LRRC8D: variants seen among roughly 807,000 people sequenced by gnomAD.
LRRC8D encodes the protein leucine rich repeat containing 8 VRAC subunit D, also known as volume-regulated anion channel subunit LRRC8D.
Under a neutral mutation model 55.8 loss-of-function variants are expected in LRRC8D, and 20 were observed. The ratio of observed to expected loss-of-function variants is 0.36; its 90% CI spans 0.25 to 0.52. The LOEUF (loss-of-function observed/expected upper bound fraction) is 0.52. Among genes scored for constraint, LRRC8D ranks in the 20% least tolerant of loss-of-function variants. The pLI, the probability that LRRC8D is intolerant of heterozygous loss-of-function variation, is 0.93. For synonymous variants in LRRC8D, 352 were observed against 377.0 expected (o/e 0.93, Z 0.77); for missense variants, 651 against 1,030.8 (o/e 0.63, Z 5.05).
intron 2 of LRRC8D, among the ~76,000 whole-genome samples, chr1:89,895,228 A>G (rs888432094): frequency 6.6e-6 from 1 of 152,356 alleles, no homozygotes; most frequent in African/African-American, 2.4e-5. Flanking sequence ...TAAGCCTACT[A>G]TATTCATATA....
rs146627333 is a variant in LRRC8D at position 89,935,385 on chromosome 1, A to C, written c.2317A>C (p.Lys773Gln). The change falls in exon 3 of 3, where the codon AAA becomes CAA. Residue 773 changes from lysine (K) to glutamine (Q), a missense_variant. Physicochemically the swap from Lys to Gln is moderately conservative, Grantham distance 53 (BLOSUM62 1). This residue lies in a region of LRRC8D where 338 missense variants were observed against 479.4 expected (regional missense o/e 0.71). Coordinates refer to ENST00000337338, the MANE Select transcript of LRRC8D (RefSeq NM_001134479.2). ...GGACATTCTGCCAAAACAATTGTTTAAATGCATAAAGTTGAGGACTTTGAA... is the reference window on the plus strand; with the variant it reads ...GGACATTCTGCCAAAACAATTGTTTCAATGCATAAAGTTGAGGACTTTGAA... ...KVDILPKQLF[K>Q]CIKLRTLNLG... The C allele has an allele frequency of 5.0e-5, 81 of 1,614,266 alleles. 2 individuals are homozygous for C. In the African/African-American group the frequency reaches 9.3e-4, roughly 19 times the overall value.
Position 89,906,368 on chromosome 1 carries a change from A to G in LRRC8D, c.-2-26699A>G, listed in dbSNP as rs373297573. On this transcript the variant is annotated intron_variant, in intron 2 of 2. Transcript: ENST00000337338. The stretch of plus-strand genomic sequence containing the variant: ...GCTCGAGCATCGCTGTAGAGCCGCT[A>G]TCATCACTGAAGGGAATTCATCATT... Among the ~76,000 whole-genome samples the G allele has an allele frequency of 9.2e-5, 14 of 152,346 alleles. No individual in the cohort carries two copies. The East Asian group carries it at 1.9e-3, about 21-fold the overall frequency.
intron 2 of LRRC8D, among the ~76,000 whole-genome samples, chr1:89,879,067 C>G (rs887585195): frequency 1.3e-5 from 2 of 151,998 alleles, no homozygotes; most frequent in East Asian, 3.9e-4. Context: ...TTTTTCTGTG[C>G]ACATCCGTGC....
intron 1 of LRRC8D, among the ~76,000 whole-genome samples, chr1:89,832,033 G>A (rs530242849): frequency 3.9e-5 from 6 of 152,246 alleles, no homozygotes; most frequent in African/African-American, 1.2e-4. Context: ...CTGCGTCTGC[G>A]CTGTCAGGGC....
chr1:89,880,418 A>G (rs1662252980), intron 2 of LRRC8D, among the ~76,000 whole-genome samples: 1 of 151,742 alleles, frequency 6.6e-6, no homozygotes, highest in Admixed American at 6.6e-5. Flanking sequence ...ATTAGGTTGG[A>G]CATTTGTCAT....
chr1:89,847,063 AAC>A, intron 2 of LRRC8D, among the ~76,000 whole-genome samples: 1 of 152,208 alleles, frequency 6.6e-6, no homozygotes, highest in Non-Finnish European at 1.5e-5. Flanking sequence ...AAACCCATGT[AAC>A]TTTAAATTAT....
chr1:89,858,242 T>G (rs1055364468), intron 2 of LRRC8D, among the ~76,000 whole-genome samples: 3 of 152,150 alleles, frequency 2.0e-5, no homozygotes, highest in African/African-American at 7.2e-5. Flanking sequence ...AAAAAAAGTA[T>G]AGCTTTTCAT....
intron 2 of LRRC8D, among the ~76,000 whole-genome samples, chr1:89,915,016 C>CTGTGTGTG (rs56870719): frequency 4.9e-4 from 71 of 144,846 alleles, no homozygotes; most frequent in African/African-American, 1.6e-3. Context: ...TCTTGCTCTA[C>CTGTGTGTG]TGTGTGTGTG....
chr1:89,904,670 A>G (rs1250845132), intron 2 of LRRC8D, among the ~76,000 whole-genome samples: 6 of 152,198 alleles, frequency 3.9e-5, no homozygotes, highest in African/African-American at 1.4e-4. Flanking sequence ...GGAGGGATGT[A>G]AACACCTTAG....
intron 2 of LRRC8D, among the ~76,000 whole-genome samples, chr1:89,914,273 A>G (rs943110274): frequency 1.2e-4 from 19 of 152,264 alleles, no homozygotes; most frequent in Admixed American, 5.2e-4. Flanking sequence ...CACCAAGCCC[A>G]CGCCCACCCG....
intron 2 of LRRC8D, among the ~76,000 whole-genome samples, chr1:89,916,963 A>G (rs913711234): frequency 6.6e-6 from 1 of 152,216 alleles, no homozygotes; most frequent in African/African-American, 2.4e-5. Context: ...TGAAGGCCCA[A>G]GTTTACACAG....
chr1:89,924,743 G>A (rs142246967), intron 2 of LRRC8D, among the ~76,000 whole-genome samples: 34 of 151,990 alleles, frequency 2.2e-4, no homozygotes, highest in Non-Finnish European at 2.2e-4. Context: ...CCATAGAAAA[G>A]AATATATCAT....
chr1:89,834,679 A>C (rs888948613), intron 1 of LRRC8D, among the ~76,000 whole-genome samples: 2 of 152,336 alleles, frequency 1.3e-5, no homozygotes, highest in Middle Eastern at 3.4e-3. Flanking sequence ...ACATTTGCTC[A>C]GAAGGAGAGA....
intron 2 of LRRC8D, among the ~76,000 whole-genome samples, chr1:89,866,215 T>C (rs1661838111): frequency 6.6e-6 from 1 of 152,236 alleles, no homozygotes; most frequent in African/African-American, 2.4e-5. Flanking sequence ...TGCCATGAAA[T>C]TAAAGTCTTG....
Position 89,877,000 on chromosome 1 carries a change from A to C in LRRC8D, c.-3+33218A>C, listed in dbSNP as rs76881932. On this transcript the variant is annotated intron_variant, in intron 2 of 2. Transcript: ENST00000337338. ...AGTTTCATATTATTTGGTTTTAATC[A>C]ATTTTAAAAATTAATTTAAACCTCA... Among the ~76,000 whole-genome samples the C allele has an allele frequency of 3.4e-4, 52 of 152,350 alleles. No individual in the cohort carries two copies. The East Asian group carries it at 6.2e-3, about 18-fold the overall frequency.
intron 2 of LRRC8D, among the ~76,000 whole-genome samples, chr1:89,925,006 C>T (rs1663521681): frequency 6.6e-6 from 1 of 152,158 alleles, no homozygotes; most frequent in African/African-American, 2.4e-5. Flanking sequence ...ACCCCTGGGC[C>T]ACGGACTGCT....
At chr1:89,856,638 G>A (rs78709429) in intron 2 of LRRC8D, among the ~76,000 whole-genome samples, 8,555 of 152,242 alleles carry the variant, frequency 0.056, 329 homozygotes, top group South Asian at 0.12. Context: ...TATGATCTTA[G>A]CTTCCTTTTC....
chr1:89,833,304 G>T (rs1339442713), intron 1 of LRRC8D, among the ~76,000 whole-genome samples: 1 of 152,112 alleles, frequency 6.6e-6, no homozygotes, highest in Admixed American at 6.5e-5. Flanking sequence ...CTGACTAAAG[G>T]ATCTTCCTGG....
chr1:89,850,987 C>T (rs1290800644), intron 2 of LRRC8D, among the ~76,000 whole-genome samples: 2 of 151,958 alleles, frequency 1.3e-5, no homozygotes, highest in African/African-American at 4.8e-5. Flanking sequence ...ATGTGTCGAC[C>T]TATCTAGGAA....
Sources: allele counts gnomAD v4.1 joint callset (sites outside exome capture counted in the v4.1 genomes callset), GRCh38; gene constraint gnomAD v4.1.1; regional missense constraint gnomAD v4.1.1; transcripts MANE v1.5; gene names NCBI Gene and HGNC (gene_info 2026-07-23, HGNC 2026-07-21).